AUTS2: variants seen among roughly 807,000 people sequenced by gnomAD.
AUTS2 encodes activator of transcription and developmental regulator AUTS2, also known as autism susceptibility gene 2 protein.
In AUTS2, 17 loss-of-function variants were observed where a neutral mutation model predicts 112.4. The observed-to-expected ratio is 0.15, with a 90% CI of 0.10 to 0.23. The LOEUF is 0.23. Ranked by LOEUF, AUTS2 falls within the 10% of genes least tolerant of loss-of-function variation. AUTS2 has a pLI of 1.00. For synonymous variants in AUTS2, 751 were observed against 702.7 expected, an observed-to-expected ratio of 1.07 and a Z score of -1.09; for missense variants, 1,510 against 1,701.6, an observed-to-expected ratio of 0.89 and a Z score of 1.98.
intron 2 of AUTS2, among the ~76,000 whole-genome samples, chr7:70,012,451 C>G (rs74669766): frequency 4.8e-4 from 73 of 152,262 alleles, no homozygotes; most frequent in African/African-American, 1.7e-3. Flanking sequence ...TTATGGTGTT[C>G]AGTGTTCCAA....
At chr7:69,715,341 G>C (rs1387501826) in intron 1 of AUTS2, among the ~76,000 whole-genome samples, 1 of 152,000 alleles carries the variant, frequency 6.6e-6, no homozygotes, top group Admixed American at 6.6e-5. Context: ...TGACCATGTT[G>C]GTGGCTCTTG....
At chr7:69,907,048 A>G (rs1410328937) in intron 2 of AUTS2, among the ~76,000 whole-genome samples, 4 of 152,192 alleles carry the variant, frequency 2.6e-5, no homozygotes, top group Non-Finnish European at 5.9e-5. Context: ...TTAAGGCTGC[A>G]GTGAGCCATG....
intron 4 of AUTS2, among the ~76,000 whole-genome samples, chr7:70,275,625 A>G (rs1451800610): frequency 1.3e-5 from 2 of 152,108 alleles, no homozygotes; most frequent in Non-Finnish European, 2.9e-5. Flanking sequence ...TCTTATCTCA[A>G]ATTTTAGTTC....
intron 4 of AUTS2, among the ~76,000 whole-genome samples, chr7:70,221,226 C>T (rs895047600): frequency 1.3e-5 from 2 of 152,140 alleles, no homozygotes; most frequent in African/African-American, 4.8e-5. Flanking sequence ...ATATATCTGT[C>T]CTTCTGTCTA....
chr7:70,689,775 CAAAAAA>C (rs60869776), intron 5 of AUTS2, among the ~76,000 whole-genome samples: 1 of 74,704 alleles, frequency 1.3e-5, no homozygotes, highest in Admixed American at 1.5e-4. Context: ...GACTCCGTCT[CAAAAAA>C]AAAAAAAAAA....
At chr7:70,582,419 G>A (rs17492269) in intron 5 of AUTS2, among the ~76,000 whole-genome samples, 19,834 of 152,190 alleles carry the variant, frequency 0.13, 1,568 homozygotes, top group Non-Finnish European at 0.17. Flanking sequence ...TGCATTCTCC[G>A]ACTTGAATGG....
At chr7:69,871,244 T>A (rs1338656287) in intron 1 of AUTS2, among the ~76,000 whole-genome samples, 1 of 152,208 alleles carries the variant, frequency 6.6e-6, no homozygotes, top group Non-Finnish European at 1.5e-5. Context: ...GCCATTCATG[T>A]TTGTTTTAGA....
intron 2 of AUTS2, among the ~76,000 whole-genome samples, chr7:70,026,232 G>A (rs1800517584): frequency 6.6e-6 from 1 of 152,156 alleles, no homozygotes; most frequent in Non-Finnish European, 1.5e-5. Context: ...GGCCTCATGA[G>A]CAGACACTAG....
chr7:70,238,860 G>T (rs547280495), intron 4 of AUTS2, among the ~76,000 whole-genome samples: 7 of 152,142 alleles, frequency 4.6e-5, no homozygotes, highest in Non-Finnish European at 8.8e-5. Context: ...GTTTGTGTGT[G>T]TGTGTGTACA....
At chr7:70,095,142 C>T (rs569722766) in intron 2 of AUTS2, among the ~76,000 whole-genome samples, 2 of 152,246 alleles carry the variant, frequency 1.3e-5, no homozygotes, top group East Asian at 1.9e-4. Context: ...CATTTACTTA[C>T]GTGGAAACAT....
At chr7:70,616,149 A>G (rs887958796) in intron 5 of AUTS2, among the ~76,000 whole-genome samples, 1 of 152,224 alleles carries the variant, frequency 6.6e-6, no homozygotes, top group Non-Finnish European at 1.5e-5. Context: ...GATTTTCCCT[A>G]TTCTGTTAGT....
Position 70,270,969 on chromosome 7 carries a change from G to A in AUTS2, c.660+136398G>A, listed in dbSNP as rs1174386974. ...CTTCCCCTGAGTGCGGGCAAGCCTC[G>A]TGCTTGCAGAGGAGAGGAGATTAGA... On this transcript the variant is annotated intron_variant, in intron 4 of 18. Transcript: ENST00000342771. 5.3e-5 allele frequency among the ~76,000 whole-genome samples: 8 copies of A among 152,168 alleles called. No homozygotes were observed. In the East Asian group the frequency reaches 7.7e-4, roughly 15 times the overall value.
intron 2 of AUTS2, among the ~76,000 whole-genome samples, chr7:70,043,117 C>A (rs563199544): frequency 6.6e-6 from 1 of 151,668 alleles, no homozygotes; most frequent in Non-Finnish European, 1.5e-5. Flanking sequence ...ATTTAAAGAA[C>A]CTTTCCTGAC....
intron 1 of AUTS2, among the ~76,000 whole-genome samples, chr7:69,745,900 G>A (rs1029167366): frequency 6.6e-6 from 1 of 152,120 alleles, no homozygotes; most frequent in Non-Finnish European, 1.5e-5. Context: ...AGGAGACAAA[G>A]TCTCACTCTT....
intron 5 of AUTS2, among the ~76,000 whole-genome samples, chr7:70,522,975 A>G (rs187165311): frequency 9.0e-4 from 137 of 152,372 alleles, no homozygotes; most frequent in Non-Finnish European, 1.5e-3. Context: ...ACTTCACTAC[A>G]TAATTAATTT....
intron 2 of AUTS2, among the ~76,000 whole-genome samples, chr7:69,976,665 A>G (rs1393539305): frequency 1.3e-5 from 2 of 152,168 alleles, no homozygotes; most frequent in African/African-American, 4.8e-5. Flanking sequence ...TAGCAATCTC[A>G]ATAGATCTGA....
At chr7:70,430,787 T>C (rs1002966418) in intron 4 of AUTS2, among the ~76,000 whole-genome samples, 3 of 151,768 alleles carry the variant, frequency 2.0e-5, no homozygotes, top group Non-Finnish European at 4.4e-5. Flanking sequence ...AATTTTTTAA[T>C]TAGATTATGT....
At chr7:69,733,133 G>T (rs1415058336) in intron 1 of AUTS2, among the ~76,000 whole-genome samples, 1 of 152,138 alleles carries the variant, frequency 6.6e-6, no homozygotes, top group East Asian at 1.9e-4. Flanking sequence ...TACGGCTCAG[G>T]TGAGGTGCAT....
chr7:69,875,212 T>G (rs769959255), intron 1 of AUTS2, among the ~76,000 whole-genome samples: 9 of 152,190 alleles, frequency 5.9e-5, no homozygotes, highest in South Asian at 2.1e-4. Flanking sequence ...AAGTATGTAT[T>G]TGAAAGTCTA....
Sources: gnomAD v4.1 joint callset for allele counts (sites outside exome capture counted in the v4.1 genomes callset) on GRCh38, gnomAD v4.1.1 for gene constraint, MANE v1.5 for transcripts, NCBI Gene and HGNC (gene_info 2026-07-23, HGNC 2026-07-21) for gene names.